The following CACNA2D3 variants were observed in gnomAD, a reference collection of about 807,000 sequenced individuals.
The protein encoded by CACNA2D3 is calcium voltage-gated channel auxiliary subunit alpha2delta 3, also known as voltage-dependent calcium channel subunit alpha-2/delta-3.
In CACNA2D3, 60 loss-of-function variants were observed where a neutral mutation model predicts 160.6. The observed-to-expected ratio is 0.37, with a 90% CI of 0.30 to 0.46. The LOEUF is 0.46. Ranked by LOEUF, CACNA2D3 falls within the 20% of genes least tolerant of loss-of-function variation. The pLI, the probability that CACNA2D3 is intolerant of heterozygous loss-of-function variation, is 1.00. For missense variants in CACNA2D3, 1,205 were observed against 1,365.0 expected (o/e 0.88, Z 1.85); for synonymous variants, 558 against 492.9 (o/e 1.13, Z -1.75).
intron 35 of CACNA2D3, among the ~76,000 whole-genome samples, chr3:55,050,829 C>T (rs1270732760): frequency 1.5e-5 from 2 of 131,190 alleles, no homozygotes; most frequent in Non-Finnish European, 3.1e-5. Flanking sequence ...CTCTAAACTT[C>T]CCTTCTCGCT....
intron 4 of CACNA2D3, among the ~76,000 whole-genome samples, chr3:54,460,873 T>C (rs1038065954): frequency 6.6e-6 from 1 of 152,224 alleles, no homozygotes; most frequent in Non-Finnish European, 1.5e-5. Context: ...AGGGAATGCT[T>C]CCAGTTTTTG....
At chr3:54,992,082 GACCTTTAAAA>G (rs1254261432) in intron 31 of CACNA2D3, among the ~76,000 whole-genome samples, 1 of 152,134 alleles carries the variant, frequency 6.6e-6, no homozygotes, top group East Asian at 1.9e-4. Context: ...CATCCCTGGG[GACCTTTAAAA>G]ACACTCCAAG....
intron 2 of CACNA2D3, among the ~76,000 whole-genome samples, chr3:54,298,821 G>A (rs1156247363): frequency 2.6e-5 from 4 of 151,766 alleles, no homozygotes; most frequent in Non-Finnish European, 5.9e-5. Flanking sequence ...AGAAGGCAGT[G>A]GCTCAAACCT....
intron 35 of CACNA2D3, among the ~76,000 whole-genome samples, chr3:55,049,211 A>G (rs1704131824): frequency 6.7e-6 from 1 of 149,232 alleles, no homozygotes; most frequent in African/African-American, 2.5e-5. Flanking sequence ...TCAATTTTGG[A>G]TCTTTCCTGC....
chr3:54,964,917 C>T (rs1332154682), intron 27 of CACNA2D3, among the ~76,000 whole-genome samples: 1 of 151,890 alleles, frequency 6.6e-6, no homozygotes, highest in Non-Finnish European at 1.5e-5. Flanking sequence ...TACTCTCATT[C>T]TCCCATTTCC....
intron 4 of CACNA2D3, among the ~76,000 whole-genome samples, chr3:54,435,054 A>G (rs1419886638): frequency 2.0e-5 from 3 of 152,126 alleles, no homozygotes; most frequent in Non-Finnish European, 4.4e-5. Context: ...CTATAACCAC[A>G]GTATGCCTTT....
chr3:54,524,315 T>G (rs1457787539), intron 5 of CACNA2D3, among the ~76,000 whole-genome samples: 2 of 152,144 alleles, frequency 1.3e-5, no homozygotes, highest in Non-Finnish European at 2.9e-5. Flanking sequence ...TTCCCCAAAT[T>G]TCTTCCTATT....
intron 2 of CACNA2D3, among the ~76,000 whole-genome samples, chr3:54,222,269 A>G (rs9834085): frequency 0.057 from 8,622 of 152,212 alleles, 780 homozygotes; most frequent in African/African-American, 0.19. Flanking sequence ...AAGCCCCCAG[A>G]ACCAGGAGAG....
intron 35 of CACNA2D3, among the ~76,000 whole-genome samples, chr3:55,043,961 T>G (rs953170985): frequency 1.3e-5 from 2 of 148,684 alleles, no homozygotes; most frequent in Non-Finnish European, 3.0e-5. Context: ...CATTTTAATT[T>G]ATCTATGTGT....
At chr3:54,922,585 G>A (rs757995327) in intron 27 of CACNA2D3, among the ~76,000 whole-genome samples, 1 of 152,058 alleles carries the variant, frequency 6.6e-6, no homozygotes, top group Non-Finnish European at 1.5e-5. Context: ...AATATCGTAC[G>A]TTTTAACCCA....
At chr3:54,589,159 A>G (rs964361412) in intron 9 of CACNA2D3, among the ~76,000 whole-genome samples, 3 of 152,126 alleles carry the variant, frequency 2.0e-5, no homozygotes, top group Non-Finnish European at 4.4e-5. Flanking sequence ...ATGTGGCATT[A>G]GAAGAGAAAT....
chr3:54,345,314 C>T (rs1397650076), intron 3 of CACNA2D3, among the ~76,000 whole-genome samples: 1 of 152,174 alleles, frequency 6.6e-6, no homozygotes, highest in Non-Finnish European at 1.5e-5. Flanking sequence ...TCTGTTTTTT[C>T]CTTCATAATT....
At chr3:54,803,515 A>G (rs1486026625) in intron 13 of CACNA2D3, among the ~76,000 whole-genome samples, 2 of 152,190 alleles carry the variant, frequency 1.3e-5, no homozygotes, top group Non-Finnish European at 2.9e-5. Context: ...AAAAAGAATA[A>G]AAAGAAACGA....
At chr3:54,432,127 A>C (rs899486269) in intron 4 of CACNA2D3, among the ~76,000 whole-genome samples, 1 of 152,192 alleles carries the variant, frequency 6.6e-6, no homozygotes, top group Non-Finnish European at 1.5e-5. Context: ...TCAAAACTGC[A>C]GAATGCTTTG....
intron 2 of CACNA2D3, among the ~76,000 whole-genome samples, chr3:54,241,665 G>A (rs980322616): frequency 6.6e-6 from 1 of 152,216 alleles, no homozygotes; most frequent in Non-Finnish European, 1.5e-5. Flanking sequence ...GAAGTGTAGG[G>A]ATGGATGCCA....
intron 11 of CACNA2D3, among the ~76,000 whole-genome samples, chr3:54,735,916 C>T (rs1463461559): frequency 1.4e-5 from 2 of 141,628 alleles, no homozygotes; most frequent in African/African-American, 2.6e-5. Flanking sequence ...ACTTGTTATC[C>T]ACCCTCGAGA....
chr3:54,764,183 G>GTT (rs771715776), intron 12 of CACNA2D3, 35 bp from the exon 13 acceptor site: 9 of 1,612,268 alleles, frequency 5.6e-6, no homozygotes, highest in Middle Eastern at 1.6e-4. Context: ...CTTTCTGTCT[G>GTT]TTACTAAACT....
At chr3:54,870,740 A>G (rs2703025) in intron 17 of CACNA2D3, among the ~76,000 whole-genome samples, 81,490 of 151,942 alleles carry the variant, frequency 0.54, 24,035 homozygotes, top group East Asian at 0.87. Context: ...ACATCTGGCT[A>G]TGATTCCCAA....
chr3:54,864,302 C>CA (rs146542411), intron 17 of CACNA2D3, among the ~76,000 whole-genome samples: 3,472 of 150,826 alleles, frequency 0.023, 139 homozygotes, highest in African/African-American at 0.08. Flanking sequence ...CCAAGACAGT[C>CA]TCTCTCTGTC....
Sources: allele counts gnomAD v4.1 joint callset (sites outside exome capture counted in the v4.1 genomes callset), GRCh38; gene constraint gnomAD v4.1.1; transcripts MANE v1.5; gene names NCBI Gene and HGNC (gene_info 2026-07-23, HGNC 2026-07-21).